Variants in COL23A1 observed in about 807,000 individuals in gnomAD.
The protein encoded by COL23A1 is collagen type XXIII alpha 1 chain.
COL23A1 carries 97 observed loss-of-function variants against 99.3 expected under a neutral mutation model. That is an observed-to-expected ratio of 0.98 (90% confidence interval 0.83 to 1.16). COL23A1 has a LOEUF of 1.16. COL23A1 is among the 50% of genes most tolerant of loss of function. COL23A1 has a pLI of 0.00. For synonymous variants in COL23A1, 320 were observed against 308.2 expected, an observed-to-expected ratio of 1.04 and a Z score of -0.40; for missense variants, 762 against 757.4, an observed-to-expected ratio of 1.01 and a Z score of -0.07.
intron 2 of COL23A1, among the ~76,000 whole-genome samples, chr5:178,503,350 A>G (rs1053628741): frequency 6.6e-6 from 1 of 152,090 alleles, no homozygotes; most frequent in Non-Finnish European, 1.5e-5. Context: ...TCTGTCTCCA[A>G]AAAAAAACAA....
intron 2 of COL23A1, among the ~76,000 whole-genome samples, chr5:178,453,893 T>C (rs1217218307): frequency 1.3e-5 from 2 of 152,022 alleles, no homozygotes; most frequent in South Asian, 2.1e-4. Context: ...GATATTAACA[T>C]AAAAGAAAAA....
At chr5:178,262,353 A>T in intron 9 of COL23A1, 101 bp from the exon 10 acceptor site, 1 of 1,095,726 alleles carries the variant, frequency 9.1e-7, no homozygotes, top group Non-Finnish European at 1.3e-6. Flanking sequence ...TAAGTACATT[A>T]TCTTATCTCA....
At chr5:178,566,916 A>G (rs927094037) in intron 1 of COL23A1, among the ~76,000 whole-genome samples, 8 of 152,246 alleles carry the variant, frequency 5.3e-5, no homozygotes, top group East Asian at 1.9e-4. Context: ...TGTTTCTCAC[A>G]GGGATTCAGG....
In COL23A1 at chr5:178,518,600, G is replaced by A. The variant is rs545322366; in HGVS notation, c.361+42082C>T. Among the ~76,000 whole-genome samples, 281 of 148,446 alleles carry A rather than the reference G, an allele frequency of 1.9e-3. 1 individual carries two copies. The highest frequency in any genetic ancestry group is 6.4e-3 in the African/African-American group (252 of 39,344). The stretch of plus-strand genomic sequence containing the variant: ...CCAGATGGGGCGGCGGGGCAGAGGC[G>A]CTCCTCACATCTCAGACGATGGGCG... On this transcript the variant is annotated intron_variant, in intron 2 of 28. Transcript: ENST00000390654.
chr5:178,464,572 C>T (rs1013845212), intron 2 of COL23A1, among the ~76,000 whole-genome samples: 1 of 152,170 alleles, frequency 6.6e-6, no homozygotes, highest in Non-Finnish European at 1.5e-5. Context: ...AAGGTCCAGC[C>T]CCAGGTTACC....
chr5:178,508,246 T>C (rs1456235014), intron 2 of COL23A1, among the ~76,000 whole-genome samples: 1 of 152,224 alleles, frequency 6.6e-6, no homozygotes, highest in African/African-American at 2.4e-5. Context: ...CTATTCTTAA[T>C]TTCTCATTTG....
Position 178,310,709 on chromosome 5 carries a change from C to A in COL23A1, c.362-3790G>T, listed in dbSNP as rs1436907608. Among the ~76,000 whole-genome samples, 8 of 152,196 alleles carry A rather than the reference C, an allele frequency of 5.3e-5. No homozygotes were observed. In the South Asian group the frequency reaches 1.5e-3, roughly 28 times the overall value. ...TGGGGCTGGCTGTGCCCCAGGGCAT[C>A]TGGGCCTGGTGTGGAGCAGGTTGCC... is the stretch of plus-strand genomic sequence containing the variant. On this transcript the variant is annotated intron_variant, in intron 2 of 28. Coordinates refer to ENST00000390654, the MANE Select transcript of COL23A1 (RefSeq NM_173465.4). This position sits in a 1 kb window ranked among gnomAD's most constrained non-coding sequence, Gnocchi z 4.3.
intron 2 of COL23A1, among the ~76,000 whole-genome samples, chr5:178,323,586 T>C (rs114085463): frequency 0.015 from 2,296 of 152,244 alleles, 54 homozygotes; most frequent in African/African-American, 0.052. Context: ...TGGGAGCCCC[T>C]GCTGGGAGTG....
At chr5:178,566,441 G>C (rs1237168931) in intron 1 of COL23A1, among the ~76,000 whole-genome samples, 1 of 152,218 alleles carries the variant, frequency 6.6e-6, no homozygotes, top group Non-Finnish European at 1.5e-5. Context: ...CTATACTAAA[G>C]TTGTATGGCA....
At chr5:178,578,766 A>T (rs1214058256) in intron 1 of COL23A1, among the ~76,000 whole-genome samples, 1 of 147,100 alleles carries the variant, frequency 6.8e-6, no homozygotes, top group Non-Finnish European at 1.5e-5. Flanking sequence ...CTAGCTCACC[A>T]GGTTAACCAC....
intron 1 of COL23A1, among the ~76,000 whole-genome samples, chr5:178,567,915 G>T (rs7702629): frequency 6.6e-6 from 1 of 152,054 alleles, no homozygotes. Context: ...CCCTCTTCCC[G>T]GAGGTGAAGC....
At position 178,447,029 on chromosome 5, in the gene COL23A1, C is replaced by T. The variant is rs190507080; in HGVS notation, c.361+113653G>A. Reference sequence around the variant, plus strand: ...ATGGCTGTTAGGACATAGAATTACACGTGATTATATCTTCCTTATTTCTGT... The same window carrying T: ...ATGGCTGTTAGGACATAGAATTACATGTGATTATATCTTCCTTATTTCTGT... On this transcript the variant is annotated intron_variant, in intron 2 of 28. Transcript: ENST00000390654. 5.3e-5 allele frequency among the ~76,000 whole-genome samples: 8 copies of T among 152,138 alleles called. No homozygotes were observed. The East Asian group carries it at 9.6e-4, about 18-fold the overall frequency.
At chr5:178,450,706 T>C (rs73336691) in intron 2 of COL23A1, among the ~76,000 whole-genome samples, 10,620 of 152,264 alleles carry the variant, frequency 0.07, 1,169 homozygotes, top group African/African-American at 0.23. Context: ...TTTTGTTGAA[T>C]ATCAAACTCG....
intron 2 of COL23A1, among the ~76,000 whole-genome samples, chr5:178,445,467 G>A (rs1338890524): frequency 6.6e-6 from 1 of 152,014 alleles, no homozygotes; most frequent in Non-Finnish European, 1.5e-5. Context: ...TATTCTCCTA[G>A]ATGAAATTTA....
intron 27 of COL23A1, among the ~76,000 whole-genome samples, chr5:178,240,648 G>C (rs143701425): frequency 6.6e-6 from 1 of 152,352 alleles, no homozygotes; most frequent in South Asian, 2.1e-4. Context: ...CTTTCTGTGC[G>C]CTGACCACTT....
At chr5:178,282,685 G>C (rs1188352289) in intron 5 of COL23A1, among the ~76,000 whole-genome samples, 1 of 152,184 alleles carries the variant, frequency 6.6e-6, no homozygotes, top group East Asian at 1.9e-4. Flanking sequence ...CCCATGGTGA[G>C]ACGGCATGCA....
intron 3 of COL23A1, among the ~76,000 whole-genome samples, chr5:178,291,172 C>A (rs890809): frequency 0.023 from 3,493 of 152,264 alleles, 120 homozygotes; most frequent in African/African-American, 0.08. Context: ...TGCACTAAGC[C>A]ACGCGGCTGC....
chr5:178,541,857 A>C (rs769664714), intron 2 of COL23A1, among the ~76,000 whole-genome samples: 7 of 152,160 alleles, frequency 4.6e-5, no homozygotes, highest in Non-Finnish European at 7.3e-5. Flanking sequence ...CTTCTATATG[A>C]AGTTCAAATG....
Position 178,448,440 on chromosome 5 carries a change from G to A in COL23A1, c.361+112242C>T, listed in dbSNP as rs190257564. Among the ~76,000 whole-genome samples the A allele has an allele frequency of 1.9e-4, 29 of 151,648 alleles. No homozygotes were observed. The East Asian group carries it at 4.5e-3, about 23-fold the overall frequency. On this transcript the variant is annotated intron_variant, in intron 2 of 28. Coordinates refer to ENST00000390654, the MANE Select transcript of COL23A1 (RefSeq NM_173465.4). ...CCGTTTTGTTCTGTTAGTGCTAGTC[G>A]CAGTCCGTTTTGTTCTGCCATAACA...
Sources: allele counts gnomAD v4.1 joint callset (sites outside exome capture counted in the v4.1 genomes callset), GRCh38; gene constraint gnomAD v4.1.1; non-coding constraint Gnocchi (gnomAD v3.1); transcripts MANE v1.5; gene names NCBI Gene and HGNC (gene_info 2026-07-23, HGNC 2026-07-21).